Variants in LMF1 observed in about 807,000 individuals in gnomAD.
LMF1 encodes the protein lipase maturation factor 1, also known as transmembrane protein 112.
A neutral mutation model predicts 60.6 loss-of-function variants in LMF1; 68 were observed. The ratio of observed to expected loss-of-function variants is 1.12; its 90% confidence interval spans 0.92 to 1.37. LMF1 has a LOEUF of 1.37. Ranked by LOEUF, LMF1 falls within the 40% of genes most tolerant of loss-of-function variation. LMF1 has a pLI of 0.00. For missense variants in LMF1, 948 were observed against 767.2 expected (o/e 1.24, Z -2.78); for synonymous variants, 418 against 324.7 (o/e 1.29, Z -3.09).
Position 947,791 on chromosome 16 carries a change from G to A in LMF1, c.503+6566C>T, listed in dbSNP as rs1020629082. 9.7e-5 allele frequency: 34 copies of A among 351,792 alleles called. No individual in the cohort carries two copies. The Admixed American group carries it at 1.2e-3, about 12-fold the overall frequency. The allele number at this position is 351,792 out of a possible 1,614,324, so 21.8% of individuals were successfully genotyped here. On this transcript the variant is annotated intron_variant, in intron 2 of 10. Transcript: ENST00000262301. ...AGAGTCAGAGCCAACGACAGAGTCA[G>A]CCAATGACAGAGTCAGAGACAACGA... is the stretch of plus-strand genomic sequence containing the variant.
At chr16:928,687 C>A in intron 3 of LMF1, among the ~76,000 whole-genome samples, 1 of 151,492 alleles carries the variant, frequency 6.6e-6, no homozygotes, top group Non-Finnish European at 1.5e-5. Flanking sequence ...CATCCCCACG[C>A]CCCCACGAGC....
chr16:976,083 C>A (rs565150792), intron 1 of LMF1: 1 of 370,020 alleles, frequency 2.7e-6, no homozygotes, highest in South Asian at 2.0e-5. Flanking sequence ...TGAGTGGGTA[C>A]AAACGCTGAT....
chr16:907,632 T>A (rs1596967003), intron 4 of LMF1, among the ~76,000 whole-genome samples: 1 of 152,124 alleles, frequency 6.6e-6, no homozygotes, highest in Non-Finnish European at 1.5e-5. Context: ...TCTGAGTGAA[T>A]CCGCCAAGCT....
chr16:946,358 GCCATTACAGCT>G (rs2072238373), intron 2 of LMF1, among the ~76,000 whole-genome samples: 1 of 152,188 alleles, frequency 6.6e-6, no homozygotes, highest in Non-Finnish European at 1.5e-5. Context: ...TCCCAACTCT[GCCATTACAGCT>G]CCAAGCAGGA....
upstream of LMF1, among the ~76,000 whole-genome samples, chr16:972,377 G>C (rs926418390): frequency 6.6e-6 from 1 of 152,240 alleles, no homozygotes; most frequent in Non-Finnish European, 1.5e-5. Context: ...GTGTGTGCCT[G>C]AGGGCTCGGA....
At chr16:966,769 T>C (rs896259690) in intron 1 of LMF1, among the ~76,000 whole-genome samples, 7 of 152,178 alleles carry the variant, frequency 4.6e-5, no homozygotes, top group African/African-American at 1.7e-4. Context: ...GATGAGCAAC[T>C]TGGCCAAGGC....
chr16:915,066 C>T (rs755262062), intron 3 of LMF1, among the ~76,000 whole-genome samples: 26 of 152,244 alleles, frequency 1.7e-4, no homozygotes, highest in Non-Finnish European at 7.3e-5. Flanking sequence ...GGGTTTTCAC[C>T]ATCTCGTGCT....
intron 1 of LMF1, among the ~76,000 whole-genome samples, chr16:969,310 G>A (rs906074326): frequency 6.6e-6 from 1 of 151,970 alleles, no homozygotes; most frequent in Non-Finnish European, 1.5e-5. Flanking sequence ...GTGAGACTCC[G>A]TCTCGAAAAA....
Position 964,044 on chromosome 16 carries a change from G to C in LMF1, c.193+6744C>G, listed in dbSNP as rs757758115. On this transcript the variant is annotated intron_variant, in intron 1 of 10. Coordinates refer to ENST00000262301, the MANE Select transcript of LMF1 (RefSeq NM_022773.4). ...CGCCTCTCACAGGGACCCAGAGCCTGACCTGGGAGCTGCAACGAGGAAATA... is the reference window on the plus strand; with the variant it reads ...CGCCTCTCACAGGGACCCAGAGCCTCACCTGGGAGCTGCAACGAGGAAATA... The C allele has an allele frequency of 1.8e-4, 82 of 456,044 alleles. 1 individual carries two copies. The highest frequency in any genetic ancestry group is 1.2e-3 in the South Asian group (78 of 64,564). The allele number at this position is 456,044 out of a possible 1,614,324, so 28.2% of individuals were successfully genotyped here.
chr16:952,046 G>A lies in LMF1; in HGVS notation c.503+2311C>T, dbSNP rs189202048. Among the ~76,000 whole-genome samples, 798 of 152,284 alleles carry A rather than the reference G, an allele frequency of 5.2e-3. 13 individuals are homozygous for A. The highest frequency in any genetic ancestry group is 0.023 in the South Asian group (111 of 4,830). On this transcript the variant is annotated intron_variant, in intron 2 of 10. Coordinates refer to ENST00000262301, the MANE Select transcript of LMF1 (RefSeq NM_022773.4). ...CAGCCTGTGCTGACAGCTCATGGGC[G>A]CCTCGGCAAAGTCAGGCATGTGTGC...
intron 6 of LMF1, chr16:872,544 G>A (rs1175801549): frequency 2.0e-5 from 3 of 152,326 alleles, no homozygotes; most frequent in African/African-American, 7.2e-5. Flanking sequence ...CCCTGGCTGG[G>A]GTTAGCCACC....
intron 10 of LMF1, among the ~76,000 whole-genome samples, chr16:856,934 G>A (rs957735700): frequency 1.1e-4 from 16 of 152,232 alleles, no homozygotes; most frequent in African/African-American, 3.6e-4. Context: ...TCCCATCCAC[G>A]CCCGGACCCC....
chr16:954,375 A>T lies in LMF1; in HGVS notation c.485T>A (p.Val162Asp), dbSNP rs369313218. 3 of 1,612,450 alleles carry T rather than the reference A, an allele frequency of 1.9e-6. No homozygotes were observed. The highest frequency in any genetic ancestry group is 1.1e-5 in the South Asian group (1 of 90,834). The change falls in exon 2 of 11, where the codon GTT becomes GAT. Residue 162 changes from valine to aspartate, a missense_variant. Physicochemically the swap from Val to Asp is radical, Grantham distance 152. Coordinates refer to ENST00000262301, the MANE Select transcript of LMF1 (RefSeq NM_022773.4). ...AALWGLYMSL[V>D]NVGHVWYSFG... ...TACTCACCAGACATGGCCCACATTA[A>T]CCAGGGACATGTAGAGGCCCCACAG...
intron 1 of LMF1, 91 bp from the exon 2 acceptor site, chr16:954,757 C>A (rs113750251): frequency 8.0e-7 from 1 of 1,246,978 alleles, no homozygotes; most frequent in Non-Finnish European, 1.1e-6. Flanking sequence ...GCGAGGCAGG[C>A]GGGAAGGGGA....
intron 5 of LMF1, among the ~76,000 whole-genome samples, chr16:885,927 C>A (rs1002963340): frequency 1.3e-5 from 2 of 152,222 alleles, no homozygotes; most frequent in Non-Finnish European, 2.9e-5. Context: ...ACGGAACTTT[C>A]ACTAAGACAA....
chr16:866,979 A>C (rs1264177175), intron 10 of LMF1, among the ~76,000 whole-genome samples: 2 of 152,176 alleles, frequency 1.3e-5, no homozygotes, highest in Non-Finnish European at 2.9e-5. Context: ...TATAACGTCC[A>C]GGGATCTTGG....
intron 10 of LMF1, among the ~76,000 whole-genome samples, chr16:867,009 CA>C (rs2151695346): frequency 6.6e-6 from 1 of 152,256 alleles, no homozygotes; most frequent in African/African-American, 2.4e-5. Flanking sequence ...GTGGGAGGAA[CA>C]GGGGTAAGTG....
chr16:975,051 GGTGGGGGCTGAGAGAGCA>G (rs2073109699), upstream of LMF1, among the ~76,000 whole-genome samples: 1 of 152,194 alleles, frequency 6.6e-6, no homozygotes, highest in Non-Finnish European at 1.5e-5. Context: ...GGCAGGTGCG[GGTGGGGGCTGAGAGAGCA>G]GGTGTTGTGC....
chr16:894,047 CCT>C (rs1491310140), intron 4 of LMF1, among the ~76,000 whole-genome samples: 4 of 150,560 alleles, frequency 2.7e-5, no homozygotes, highest in Non-Finnish European at 5.9e-5. Context: ...CCACTCGTCC[CCT>C]GTCCACCAGA....
Sources: allele counts gnomAD v4.1 joint callset (sites outside exome capture counted in the v4.1 genomes callset), GRCh38; gene constraint gnomAD v4.1.1; transcripts MANE v1.5; gene names NCBI Gene and HGNC (gene_info 2026-07-23, HGNC 2026-07-21).